The following DDX10 variants were observed in gnomAD, a reference collection of about 807,000 sequenced individuals.
The protein encoded by DDX10 is DEAD-box helicase 10.
DDX10 carries 74 observed loss-of-function variants against 104.3 expected under a neutral mutation model. That is an observed-to-expected ratio of 0.71 (90% CI 0.59 to 0.86). The LOEUF (loss-of-function observed/expected upper bound fraction) is 0.86. Ranked by LOEUF, DDX10 falls within the 40% of genes least tolerant of loss-of-function variation. The probability of loss-of-function intolerance (pLI) is 0.00; values close to 1 mark genes in which losing one functional copy is unlikely to be tolerated. For synonymous variants in DDX10, 351 were observed against 353.4 expected, an observed-to-expected ratio of 0.99 and a Z score of 0.08; for missense variants, 952 against 1,040.0, an observed-to-expected ratio of 0.92 and a Z score of 1.16.
intron 13 of DDX10, chr11:108,729,771 C>T (rs11212768): frequency 0.12 from 18,660 of 152,082 alleles, 1,553 homozygotes; most frequent in East Asian, 0.27. Context: ...CCAGCCTGAG[C>T]AACAGAGAGA....
chr11:108,719,554 A>G (rs2094295701), intron 11 of DDX10, among the ~76,000 whole-genome samples: 3 of 152,150 alleles, frequency 2.0e-5, no homozygotes, highest in Admixed American at 2.0e-4. Context: ...TGACTTTTAG[A>G]GTAGCCTTTT....
intron 16 of DDX10, among the ~76,000 whole-genome samples, chr11:108,890,024 A>G (rs1863354676): frequency 6.6e-6 from 1 of 152,222 alleles, no homozygotes; most frequent in South Asian, 2.1e-4. Flanking sequence ...AGAACTTGAT[A>G]TAGGACCAGA....
In DDX10 at chr11:108,849,590, G is replaced by A. The variant is rs1591834804; in HGVS notation, c.2248-2563G>A. On this transcript the variant is annotated intron_variant, in intron 15 of 17. Coordinates refer to ENST00000322536, the MANE Select transcript of DDX10 (RefSeq NM_004398.4). ...TTGAAATTTGATTTTCTGTTTTTCT[G>A]TCCCTTGTGAATTTGATTTTCATTA... Among the ~76,000 whole-genome samples, 3 of 152,058 alleles carry A rather than the reference G, an allele frequency of 2.0e-5. No homozygotes were observed. The South Asian group carries it at 6.2e-4, about 32-fold the overall frequency.
chr11:108,756,942 T>G (rs956131614), intron 13 of DDX10, among the ~76,000 whole-genome samples: 3 of 152,096 alleles, frequency 2.0e-5, no homozygotes, highest in Admixed American at 6.6e-5. Flanking sequence ...ATTATCTCTT[T>G]TATAATTCCT....
intron 13 of DDX10, among the ~76,000 whole-genome samples, chr11:108,745,801 C>T (rs546699522): frequency 1.3e-5 from 2 of 152,080 alleles, no homozygotes; most frequent in African/African-American, 4.8e-5. Context: ...GTCTTCTAGA[C>T]CTTGAGGACC....
At chr11:108,726,546 T>G (rs2094305685) in intron 13 of DDX10, among the ~76,000 whole-genome samples, 1 of 152,146 alleles carries the variant, frequency 6.6e-6, no homozygotes, top group Non-Finnish European at 1.5e-5. Context: ...GACTGATCAT[T>G]CTAAACTGAC....
At chr11:108,903,900 T>C (rs1252381381) in intron 16 of DDX10, among the ~76,000 whole-genome samples, 1 of 152,168 alleles carries the variant, frequency 6.6e-6, no homozygotes, top group East Asian at 1.9e-4. Context: ...TGCAGGTTTT[T>C]CTGTGGATAT....
At chr11:108,690,004 C>T (rs1430669935) in intron 7 of DDX10, among the ~76,000 whole-genome samples, 1 of 151,328 alleles carries the variant, frequency 6.6e-6, no homozygotes, top group Admixed American at 6.6e-5. Flanking sequence ...TTGCTTGAGT[C>T]TAGAAGTTTA....
chr11:108,710,581 G>A (rs2094283026), intron 10 of DDX10, among the ~76,000 whole-genome samples: 1 of 152,044 alleles, frequency 6.6e-6, no homozygotes, highest in Non-Finnish European at 1.5e-5. Context: ...CATCATTTAT[G>A]ATAACAATGC....
At chr11:108,782,345 A>C (rs142874147) in intron 13 of DDX10, among the ~76,000 whole-genome samples, 108 of 152,296 alleles carry the variant, frequency 7.1e-4, no homozygotes, top group African/African-American at 2.5e-3. Flanking sequence ...TCATCCTTGA[A>C]TATCTCTGGG....
intron 9 of DDX10, among the ~76,000 whole-genome samples, chr11:108,696,963 A>G (rs1160545123): frequency 6.6e-6 from 1 of 152,160 alleles, no homozygotes; most frequent in African/African-American, 2.4e-5. Context: ...GTTGTTGAAA[A>G]TTTTATGTAG....
chr11:108,932,858 T>C lies in DDX10; in HGVS notation c.2451-7388T>C, dbSNP rs903258296. Among the ~76,000 whole-genome samples the C allele has an allele frequency of 3.9e-5, 6 of 152,140 alleles. No individual in the cohort carries two copies. In the East Asian group the frequency reaches 5.8e-4, roughly 15 times the overall value. On this transcript the variant is annotated intron_variant, in intron 17 of 17. Transcript: ENST00000322536. ...TGCTGTATTCGCTTATTATACTCTT[T>C]GTTGAAATATTGTATCTGCTGGTGG...
intron 13 of DDX10, among the ~76,000 whole-genome samples, chr11:108,793,888 T>G (rs968184236): frequency 0.019 from 3 of 154 alleles, no homozygotes; most frequent in Admixed American, 0.25. Flanking sequence ...AGATAAATGT[T>G]TTTTTTTTTT....
chr11:108,890,715 C>T (rs983831759), intron 16 of DDX10, among the ~76,000 whole-genome samples: 1 of 152,068 alleles, frequency 6.6e-6, no homozygotes, highest in Non-Finnish European at 1.5e-5. Context: ...ACACTGAGTT[C>T]TATTCCACAG....
At chr11:108,805,953 A>T (rs953314931) in intron 13 of DDX10, among the ~76,000 whole-genome samples, 11 of 152,016 alleles carry the variant, frequency 7.2e-5, no homozygotes, top group African/African-American at 2.4e-4. Flanking sequence ...AACTTTTTTT[A>T]AAATTTATTT....
chr11:108,758,243 G>T (rs1433859172), intron 13 of DDX10, among the ~76,000 whole-genome samples: 1 of 152,044 alleles, frequency 6.6e-6, no homozygotes, highest in Non-Finnish European at 1.5e-5. Flanking sequence ...TGGGTTTTCA[G>T]GGTGTTTGAC....
intron 13 of DDX10, among the ~76,000 whole-genome samples, chr11:108,733,151 G>GT (rs1011794361): frequency 7.2e-5 from 10 of 139,436 alleles, no homozygotes; most frequent in Non-Finnish European, 1.4e-4. Context: ...TTTTAGTACT[G>GT]TAAGAACTCA....
intron 16 of DDX10, among the ~76,000 whole-genome samples, chr11:108,866,794 A>G (rs1404839419): frequency 6.6e-6 from 1 of 152,182 alleles, no homozygotes; most frequent in Non-Finnish European, 1.5e-5. Context: ...AATTAAATGT[A>G]CTCAAGGACT....
chr11:108,692,873 G>A (rs527369441), intron 8 of DDX10, among the ~76,000 whole-genome samples: 4 of 152,088 alleles, frequency 2.6e-5, no homozygotes, highest in African/African-American at 4.8e-5. Flanking sequence ...ACAGGCATGC[G>A]CCATGCCTGA....
Sources: gnomAD v4.1 joint callset for allele counts (sites outside exome capture counted in the v4.1 genomes callset) on GRCh38, gnomAD v4.1.1 for gene constraint, MANE v1.5 for transcripts, NCBI Gene and HGNC (gene_info 2026-07-23, HGNC 2026-07-21) for gene names.